HS3ST4: variants seen among roughly 807,000 people sequenced by gnomAD.
HS3ST4 encodes the protein heparan sulfate glucosamine 3-O-sulfotransferase 4.
HS3ST4 carries 17 observed loss-of-function variants against 29.2 expected under a neutral mutation model. That is an observed-to-expected ratio of 0.58 (90% CI 0.40 to 0.87). HS3ST4 has a LOEUF of 0.87. HS3ST4 is among the 40% of genes least tolerant of loss of function. HS3ST4 has a pLI of 0.00. For missense variants in HS3ST4, 627 were observed against 634.5 expected (o/e 0.99, Z 0.13); for synonymous variants, 314 against 285.7 (o/e 1.10, Z -1.00).
At chr16:26,027,909 G>A (rs961042520) in intron 1 of HS3ST4, among the ~76,000 whole-genome samples, 1 of 152,168 alleles carries the variant, frequency 6.6e-6, no homozygotes, top group Non-Finnish European at 1.5e-5. Context: ...TGGCTGGATT[G>A]CAGTCCATCT....
chr16:25,933,358 C>G (rs764077278), intron 1 of HS3ST4: 9 of 516,174 alleles, frequency 1.7e-5, no homozygotes, highest in South Asian at 1.3e-4. Flanking sequence ...ATAATTGGTT[C>G]CCAGGTGAAA....
intron 1 of HS3ST4, among the ~76,000 whole-genome samples, chr16:25,896,316 A>C (rs1968064411): frequency 6.6e-6 from 1 of 152,166 alleles, no homozygotes; most frequent in East Asian, 1.9e-4. Flanking sequence ...AGGCTTCCTC[A>C]AATATTAACC....
intron 1 of HS3ST4, among the ~76,000 whole-genome samples, chr16:26,063,996 A>G (rs1173329083): frequency 6.6e-6 from 1 of 152,210 alleles, no homozygotes; most frequent in Non-Finnish European, 1.5e-5. Context: ...TTCTGGAGGA[A>G]ATGGCCTTAA....
intron 1 of HS3ST4, among the ~76,000 whole-genome samples, chr16:26,062,505 G>A (rs945085906): frequency 6.6e-6 from 1 of 152,094 alleles, no homozygotes; most frequent in Non-Finnish European, 1.5e-5. Context: ...TGATCCCAGG[G>A]ATGAGACAGT....
chr16:26,099,792 C>CAT (rs1898970605), intron 1 of HS3ST4, among the ~76,000 whole-genome samples: 3 of 152,248 alleles, frequency 2.0e-5, no homozygotes, highest in Admixed American at 2.0e-4. Flanking sequence ...AACACACAGA[C>CAT]ATACACATGC....
intron 1 of HS3ST4, among the ~76,000 whole-genome samples, chr16:25,901,071 G>A (rs1968115977): frequency 6.6e-6 from 1 of 152,134 alleles, no homozygotes; most frequent in African/African-American, 2.4e-5. Context: ...ATTAGGGGAG[G>A]ATCTCTGGCT....
chr16:25,922,661 C>G (rs946439173), intron 1 of HS3ST4, among the ~76,000 whole-genome samples: 1 of 152,186 alleles, frequency 6.6e-6, no homozygotes, highest in African/African-American at 2.4e-5. Flanking sequence ...AGTATCGTTG[C>G]CCTTGCAGAG....
chr16:26,001,423 G>A (rs1969210698), intron 1 of HS3ST4, among the ~76,000 whole-genome samples: 1 of 151,698 alleles, frequency 6.6e-6, no homozygotes, highest in Admixed American at 6.6e-5. Context: ...ACATATACAG[G>A]GTTTTTTTTG....
intron 1 of HS3ST4, among the ~76,000 whole-genome samples, chr16:25,755,856 G>A (rs942195973): frequency 1.3e-5 from 2 of 151,994 alleles, no homozygotes; most frequent in Non-Finnish European, 2.9e-5. Context: ...TTGATGCCGA[G>A]TATCAGTTTT....
At chr16:26,049,757 T>A (rs1898315791) in intron 1 of HS3ST4, among the ~76,000 whole-genome samples, 1 of 152,172 alleles carries the variant, frequency 6.6e-6, no homozygotes, top group Non-Finnish European at 1.5e-5. Flanking sequence ...TCTAACCGGT[T>A]GGCTACAAAT....
chr16:25,976,179 C>T (rs1313074515), intron 1 of HS3ST4, among the ~76,000 whole-genome samples: 2 of 152,126 alleles, frequency 1.3e-5, no homozygotes, highest in African/African-American at 2.4e-5. Context: ...AACGTGATCC[C>T]GTATATGACT....
chr16:26,081,741 G>A (rs2141782933), intron 1 of HS3ST4, among the ~76,000 whole-genome samples: 1 of 150,360 alleles, frequency 6.7e-6, no homozygotes, highest in Non-Finnish European at 1.5e-5. Context: ...AGCCACTTAG[G>A]AACTGCCGGT....
chr16:25,999,877 A>G (rs1262169709), intron 1 of HS3ST4, among the ~76,000 whole-genome samples: 1 of 124,184 alleles, frequency 8.1e-6, no homozygotes, highest in Non-Finnish European at 1.6e-5. Context: ...TATATTTTAT[A>G]TATATTATAT....
intron 1 of HS3ST4, among the ~76,000 whole-genome samples, chr16:25,911,332 G>T (rs1968236072): frequency 6.6e-6 from 1 of 151,942 alleles, no homozygotes; most frequent in Admixed American, 6.6e-5. Context: ...TGTTGAAAGA[G>T]GTGGTGGGAA....
intron 1 of HS3ST4, among the ~76,000 whole-genome samples, chr16:26,044,450 G>A (rs1009410326): frequency 1.3e-5 from 2 of 152,150 alleles, no homozygotes; most frequent in East Asian, 1.9e-4. Context: ...GAAGGTTGGC[G>A]GAGCTTCTGG....
At chr16:25,850,792 G>A (rs560728928) in intron 1 of HS3ST4, among the ~76,000 whole-genome samples, 3 of 152,292 alleles carry the variant, frequency 2.0e-5, no homozygotes, top group Admixed American at 6.5e-5. Flanking sequence ...GCCCTTTTGC[G>A]GGGCTTTACT....
intron 1 of HS3ST4, among the ~76,000 whole-genome samples, chr16:25,846,821 G>A (rs1365302144): frequency 6.6e-6 from 1 of 152,114 alleles, no homozygotes; most frequent in Non-Finnish European, 1.5e-5. Context: ...TGGAGATGAA[G>A]TTTTCTCAAT....
In HS3ST4 at chr16:25,692,406, C is replaced by T. The variant is rs992481553; in HGVS notation, c.-12C>T. 962 of 920,684 alleles carry T rather than the reference C, an allele frequency of 1.0e-3. No individual in the cohort carries two copies. Among genetic ancestry groups the T allele is most frequent in the Non-Finnish European group, 1.2e-3 (931 of 748,348 alleles). The allele number at this position is 920,684 out of a possible 1,614,324, so 57.0% of individuals were successfully genotyped here. A position where few individuals can be genotyped will look rare whatever the true frequency, so the allele number is the denominator to read the frequency against. On this transcript the variant is annotated 5_prime_UTR_variant, in exon 1 of 2. Transcript: ENST00000331351. ...CCGCCGCCGCCGCCGCCGCCGCGAG[C>T]CGGGAGCCGCGATGGCCCGGTGGCC...
At chr16:25,747,042 A>T (rs1048405409) in intron 1 of HS3ST4, among the ~76,000 whole-genome samples, 18 of 152,188 alleles carry the variant, frequency 1.2e-4, no homozygotes, top group African/African-American at 4.1e-4. Context: ...AATTTTCTGT[A>T]GAGATGGAAG....
Sources: gnomAD v4.1 joint callset for allele counts (sites outside exome capture counted in the v4.1 genomes callset) on GRCh38, gnomAD v4.1.1 for gene constraint, MANE v1.5 for transcripts, NCBI Gene and HGNC (gene_info 2026-07-23, HGNC 2026-07-21) for gene names.